DNAH11: variants seen among roughly 807,000 people sequenced by gnomAD.
The protein encoded by DNAH11 is dynein axonemal heavy chain 11.
DNAH11 carries 442 observed loss-of-function variants against 526.0 expected under a neutral mutation model. The ratio of observed to expected loss-of-function variants is 0.84; its 90% confidence interval spans 0.78 to 0.91. DNAH11 has a LOEUF of 0.91. Among genes scored for constraint, DNAH11 ranks in the 40% least tolerant of loss-of-function variants. The pLI, the probability that DNAH11 is intolerant of heterozygous loss-of-function variation, is 0.00. For synonymous variants in DNAH11, 2,461 were observed against 1,935.9 expected, an observed-to-expected ratio of 1.27 and a Z score of -7.12; for missense variants, 6,989 against 5,448.7, an observed-to-expected ratio of 1.28 and a Z score of -8.90.
intron 2 of DNAH11, among the ~76,000 whole-genome samples, chr7:21,549,137 C>T (rs1025884407): frequency 5.3e-5 from 8 of 152,156 alleles, no homozygotes; most frequent in African/African-American, 1.9e-4. Context: ...CCTTGGCCTC[C>T]CAAAGTCCTG....
intron 63 of DNAH11, among the ~76,000 whole-genome samples, chr7:21,814,224 A>T (rs1445797835): frequency 1.3e-5 from 2 of 152,218 alleles, no homozygotes; most frequent in Non-Finnish European, 2.9e-5. Context: ...AGCATGCAGA[A>T]CTAGAAATTG....
chr7:21,553,205 C>T (rs1287289683), intron 2 of DNAH11, among the ~76,000 whole-genome samples: 1 of 150,570 alleles, frequency 6.6e-6, no homozygotes, highest in Admixed American at 6.6e-5. Context: ...TTTCCTCCTC[C>T]TCTTTTGGGA....
At chr7:21,616,030 G>T (rs978879518) in intron 21 of DNAH11, among the ~76,000 whole-genome samples, 179 bp from the exon 22 acceptor site, 1 of 152,150 alleles carries the variant, frequency 6.6e-6, no homozygotes, top group Non-Finnish European at 1.5e-5. Flanking sequence ...AGCTTGACGT[G>T]TTCTGACAAC....
At chr7:21,727,146 G>A (rs929914241) in intron 45 of DNAH11, among the ~76,000 whole-genome samples, 6 of 151,512 alleles carry the variant, frequency 4.0e-5, no homozygotes, top group African/African-American at 1.5e-4. Flanking sequence ...TGTTAGCCAG[G>A]ATGATCTCGA....
intron 44 of DNAH11, among the ~76,000 whole-genome samples, chr7:21,721,629 C>T (rs910607614): frequency 1.6e-4 from 25 of 152,154 alleles, no homozygotes; most frequent in African/African-American, 6.0e-4. Flanking sequence ...ATACTGGTTT[C>T]TCTTTTAATG....
chr7:21,854,326 C>A lies in DNAH11; in HGVS notation c.11073C>A (p.Ala3691=). ...VAEIEHKVIE[A]KENERKINEA... Reference sequence around the variant, plus strand: ...TGATCCCACCATAGGTGATTGAAGCCAAAGAAAATGAAAGAAAAATCAACG... The same window carrying A: ...TGATCCCACCATAGGTGATTGAAGCAAAAGAAAATGAAAGAAAAATCAACG... Residue 3691 remains alanine, a synonymous_variant, in exon 68 of 82, where the codon GCC becomes GCA. Transcript: ENST00000409508. 1 of 1,613,246 alleles carries A rather than the reference C, an allele frequency of 6.2e-7. No homozygotes were observed. Among genetic ancestry groups the A allele is most frequent in the African/African-American group, 1.3e-5 (1 of 74,876 alleles).
At chr7:21,668,691 T>A (rs1156340455) in intron 30 of DNAH11, among the ~76,000 whole-genome samples, 2 of 152,212 alleles carry the variant, frequency 1.3e-5, no homozygotes, top group Non-Finnish European at 2.9e-5. Context: ...TATTGCTTAC[T>A]AATAATACAT....
chr7:21,802,690 A>G (rs1789047071), intron 62 of DNAH11, among the ~76,000 whole-genome samples: 1 of 152,104 alleles, frequency 6.6e-6, no homozygotes, highest in South Asian at 2.1e-4. Flanking sequence ...ATCATGCTAA[A>G]AGAAAGAAGC....
At chr7:21,655,413 T>C (rs1781970462) in intron 28 of DNAH11, among the ~76,000 whole-genome samples, 1 of 152,198 alleles carries the variant, frequency 6.6e-6, no homozygotes, top group Non-Finnish European at 1.5e-5. Context: ...TAAAATTCTT[T>C]CTAATTGACA....
chr7:21,695,327 T>G (rs1342111695), intron 35 of DNAH11, among the ~76,000 whole-genome samples: 1 of 152,196 alleles, frequency 6.6e-6, no homozygotes, highest in East Asian at 1.9e-4. Context: ...GGCATCACAC[T>G]ACCTGACCTC....
At chr7:21,780,293 C>T (rs1199569890) in intron 57 of DNAH11, among the ~76,000 whole-genome samples, 4 of 151,950 alleles carry the variant, frequency 2.6e-5, no homozygotes, top group Non-Finnish European at 5.9e-5. Flanking sequence ...GCCTGTAATC[C>T]CTGCACTTAG....
intron 42 of DNAH11, 95 bp from the exon 43 acceptor site, chr7:21,717,680 C>A: frequency 6.9e-7 from 1 of 1,454,304 alleles, no homozygotes. Context: ...TGAAGTGTTG[C>A]ACCAAGCTGT....
intron 8 of DNAH11, among the ~76,000 whole-genome samples, chr7:21,576,442 T>C (rs1784096627): frequency 6.6e-6 from 1 of 152,128 alleles, no homozygotes; most frequent in African/African-American, 2.4e-5. Context: ...TCCCAGAAGA[T>C]CTTAATACTG....
At chr7:21,544,302 T>C (rs532635907) in intron 1 of DNAH11, among the ~76,000 whole-genome samples, 2 of 152,342 alleles carry the variant, frequency 1.3e-5, no homozygotes, top group South Asian at 4.1e-4. Flanking sequence ...TAACATGTTA[T>C]GTCGTTTTAT....
chr7:21,826,154 A>C (rs1276921412), intron 65 of DNAH11, among the ~76,000 whole-genome samples: 1 of 152,218 alleles, frequency 6.6e-6, no homozygotes, highest in African/African-American at 2.4e-5. Flanking sequence ...CTTGTACCCC[A>C]TAAATCTATA....
chr7:21,636,209 G>T, intron 26 of DNAH11, 114 bp downstream of exon 26: 1 of 894,634 alleles, frequency 1.1e-6, no homozygotes, highest in Non-Finnish European at 1.7e-6. Context: ...CAGGAGTCAG[G>T]AGACTTTTCC....
chr7:21,553,061 A>G (rs1783079799), intron 2 of DNAH11, among the ~76,000 whole-genome samples: 1 of 138,050 alleles, frequency 7.2e-6, no homozygotes, highest in African/African-American at 2.9e-5. Flanking sequence ...TCCCTTCAGT[A>G]TAAATGGGAT....
rs747336805 is a variant in DNAH11 at position 21,704,604 on chromosome 7, G to T, written c.6444G>T (p.Gln2148His). ...AGTCTACCCTGGAGCTCCGCCTGCA[G>T]CCTGAAGAGAGCTTCATCCTCAAAG... ...VRQSTLELRL[Q>H]PEESFILKVV... The change falls in exon 38 of 82, where the codon CAG becomes CAT. Residue 2148 changes from glutamine to histidine, a missense_variant. By Grantham distance (24) the Gln-to-His change is conservative. Coordinates refer to ENST00000409508, the MANE Select transcript of DNAH11 (RefSeq NM_001277115.2). The T allele has an allele frequency of 1.9e-6, 3 of 1,603,548 alleles. No individual in the cohort carries two copies. The highest frequency in any genetic ancestry group is 1.7e-6 in the Non-Finnish European group (2 of 1,177,188).
At chr7:21,636,624 G>A (rs1438108393) in intron 26 of DNAH11, among the ~76,000 whole-genome samples, 1 of 152,056 alleles carries the variant, frequency 6.6e-6, no homozygotes, top group Non-Finnish European at 1.5e-5. Flanking sequence ...TGCAGTCCTA[G>A]CTACTTGGGA....
Sources: allele counts gnomAD v4.1 joint callset (sites outside exome capture counted in the v4.1 genomes callset), GRCh38; gene constraint gnomAD v4.1.1; transcripts MANE v1.5; gene names NCBI Gene and HGNC (gene_info 2026-07-23, HGNC 2026-07-21).